The following MTUS1 variants were observed in gnomAD, a reference collection of about 807,000 sequenced individuals.
The protein encoded by MTUS1 is microtubule associated scaffold protein 1.
A neutral mutation model predicts 120.8 loss-of-function variants in MTUS1; 109 were observed. That is an observed-to-expected ratio of 0.90 (90% confidence interval 0.77 to 1.06). The LOEUF (loss-of-function observed/expected upper bound fraction) is 1.06. Ranked by LOEUF, MTUS1 falls within the 50% of genes least tolerant of loss-of-function variation. MTUS1 has a pLI of 0.00. For missense variants in MTUS1, 2,210 were observed against 1,486.3 expected (o/e 1.49, Z -8.01); for synonymous variants, 737 against 550.5 (o/e 1.34, Z -4.74).
At chr8:17,656,637 AT>A (rs1808312114) in intron 8 of MTUS1, among the ~76,000 whole-genome samples, 1 of 147,200 alleles carries the variant, frequency 6.8e-6, no homozygotes, top group African/African-American at 2.5e-5. Context: ...ATCCCCTCTC[AT>A]GTGGTGACCA....
At chr8:17,683,142 G>A (rs914795020) in intron 7 of MTUS1, among the ~76,000 whole-genome samples, 5 of 152,070 alleles carry the variant, frequency 3.3e-5, no homozygotes, top group African/African-American at 1.2e-4. Context: ...CGTGGTGGCG[G>A]GTGCCTGCAG....
intron 6 of MTUS1, among the ~76,000 whole-genome samples, chr8:17,710,525 C>T (rs1187718226): frequency 1.3e-5 from 2 of 152,206 alleles, no homozygotes; most frequent in African/African-American, 4.8e-5. Flanking sequence ...TTCTAGTTCT[C>T]ATCCTATTTC....
At chr8:17,788,444 T>C (rs557713213) in intron 1 of MTUS1, among the ~76,000 whole-genome samples, 4 of 152,302 alleles carry the variant, frequency 2.6e-5, no homozygotes, top group Non-Finnish European at 5.9e-5. Flanking sequence ...CTAGTTACCG[T>C]TTCTGTCTCT....
At position 17,674,864 on chromosome 8, in the gene MTUS1, G is replaced by T. The variant is rs1185459106; in HGVS notation, c.2905+322C>A. ...CTATTCTCATATGAAAAGTGCTTCA[G>T]AAAAAAAAATGACAACATTATTTAA... is the stretch of plus-strand genomic sequence containing the variant. On this transcript the variant is annotated intron_variant, in intron 8 of 14. Coordinates refer to ENST00000693296, the MANE Select transcript of MTUS1 (RefSeq NM_001363059.2). The T allele has an allele frequency of 4.5e-6, 5 of 1,118,524 alleles. No individual in the cohort carries two copies. In the African/African-American group the frequency reaches 8.1e-5, roughly 18 times the overall value. 69.3% of individuals were successfully genotyped at this position (1,118,524 alleles called of 1,614,324 possible).
At chr8:17,651,644 C>A (rs987187301) in intron 12 of MTUS1, 1 of 151,862 alleles carries the variant, frequency 6.6e-6, no homozygotes. Flanking sequence ...CTTGTACCCT[C>A]TGCATTTTCT....
At chr8:17,661,183 G>A (rs557512089) in intron 8 of MTUS1, among the ~76,000 whole-genome samples, 49 of 152,212 alleles carry the variant, frequency 3.2e-4, no homozygotes, top group Non-Finnish European at 5.6e-4. Flanking sequence ...AAGGCTCCTC[G>A]TGTGAATCTC....
At chr8:17,675,118 G>C (rs1812814577) in intron 8 of MTUS1, 68 bp downstream of exon 8, 2 of 1,605,914 alleles carry the variant, frequency 1.2e-6, no homozygotes, top group Non-Finnish European at 1.7e-6. Context: ...AACGCAGACA[G>C]GACAACCACA....
At chr8:17,773,038 A>G (rs2050132815) in intron 1 of MTUS1, among the ~76,000 whole-genome samples, 1 of 152,194 alleles carries the variant, frequency 6.6e-6, no homozygotes, top group African/African-American at 2.4e-5. Context: ...ACACACATGC[A>G]CAACTTTCCC....
At chr8:17,707,391 AT>A (rs925775520) in intron 6 of MTUS1, among the ~76,000 whole-genome samples, 70 of 152,164 alleles carry the variant, frequency 4.6e-4, no homozygotes, top group Non-Finnish European at 1.8e-4. Flanking sequence ...GCTCCTCATA[AT>A]ACCAGGTTAG....
chr8:17,778,033 G>A (rs189351231), intron 1 of MTUS1, among the ~76,000 whole-genome samples: 2 of 152,324 alleles, frequency 1.3e-5, no homozygotes, highest in African/African-American at 4.8e-5. Context: ...GTGGGGGTAT[G>A]GAGCTGTGGG....
intron 4 of MTUS1, among the ~76,000 whole-genome samples, chr8:17,717,860 A>C (rs955473128): frequency 3.9e-5 from 6 of 152,214 alleles, no homozygotes; most frequent in Admixed American, 1.3e-4. Context: ...CATCAGCTTC[A>C]TAACACGCAA....
chr8:17,696,254 G>A (rs866439594), intron 6 of MTUS1, among the ~76,000 whole-genome samples: 49 of 152,228 alleles, frequency 3.2e-4, no homozygotes, highest in Middle Eastern at 3.4e-3. Context: ...AAACACGAGA[G>A]AGAGGTGCTG....
At chr8:17,695,167 T>G (rs1232164823) in intron 6 of MTUS1, among the ~76,000 whole-genome samples, 2 of 152,206 alleles carry the variant, frequency 1.3e-5, no homozygotes, top group Non-Finnish European at 2.9e-5. Context: ...ATAACATGGA[T>G]AAGCCCATCA....
At chr8:17,669,311 G>A (rs966002598) in intron 8 of MTUS1, among the ~76,000 whole-genome samples, 2 of 152,204 alleles carry the variant, frequency 1.3e-5, no homozygotes, top group African/African-American at 4.8e-5. Context: ...CGGGAGGGGA[G>A]TGGAAAGAGG....
intron 8 of MTUS1, among the ~76,000 whole-genome samples, 197 bp from the exon 9 acceptor site, chr8:17,656,262 T>C (rs1024423939): frequency 6.6e-6 from 1 of 152,128 alleles, no homozygotes; most frequent in African/African-American, 2.4e-5. Flanking sequence ...GCGCAGTGGC[T>C]CACACCTGTA....
intron 1 of MTUS1, among the ~76,000 whole-genome samples, chr8:17,793,128 C>G (rs2051934842): frequency 6.6e-6 from 1 of 152,200 alleles, no homozygotes; most frequent in Admixed American, 6.5e-5. Context: ...AAATTGTCAA[C>G]TTGCGATTGT....
intron 6 of MTUS1, 70 bp from the exon 7 acceptor site, chr8:17,684,612 C>T: frequency 8.3e-7 from 1 of 1,202,082 alleles, no homozygotes; most frequent in Non-Finnish European, 1.2e-6. Context: ...CACAAGGATT[C>T]AAAAACAACC....
chr8:17,745,833 C>A (rs1040869662), intron 2 of MTUS1, among the ~76,000 whole-genome samples: 5 of 152,336 alleles, frequency 3.3e-5, no homozygotes, highest in Admixed American at 6.5e-5. Flanking sequence ...TAATTTGGAT[C>A]TGTGTCCCCA....
chr8:17,682,757 A>G (rs1249552259), intron 7 of MTUS1, among the ~76,000 whole-genome samples: 3 of 152,158 alleles, frequency 2.0e-5, no homozygotes, highest in African/African-American at 7.2e-5. Flanking sequence ...TCTAAACATA[A>G]AAACTAATTG....
Sources: gnomAD v4.1 joint callset for allele counts (sites outside exome capture counted in the v4.1 genomes callset) on GRCh38, gnomAD v4.1.1 for gene constraint, MANE v1.5 for transcripts, NCBI Gene and HGNC (gene_info 2026-07-23, HGNC 2026-07-21) for gene names.